PDZRN3: variants seen among roughly 807,000 people sequenced by gnomAD.
PDZRN3 encodes the protein E3 ubiquitin-protein ligase PDZRN3.
In PDZRN3, 38 loss-of-function variants were observed where a neutral mutation model predicts 85.7. That is an observed-to-expected ratio of 0.44 (90% CI 0.34 to 0.58). The LOEUF (loss-of-function observed/expected upper bound fraction) is 0.58. PDZRN3 is among the 20% of genes least tolerant of loss of function. The pLI is 0.01. For synonymous variants in PDZRN3, 759 were observed against 638.0 expected, an observed-to-expected ratio of 1.19 and a Z score of -2.86; for missense variants, 1,629 against 1,506.4, an observed-to-expected ratio of 1.08 and a Z score of -1.35.
Position 73,383,758 on chromosome 3 carries a change from C to T in PDZRN3, c.2808G>A (p.Arg936=). 1 of 1,612,886 alleles carries T rather than the reference C, an allele frequency of 6.2e-7. No individual in the cohort carries two copies. The highest frequency in any genetic ancestry group is 8.5e-7 in the Non-Finnish European group (1 of 1,179,968). ...RSDGTRYITK[R]PVRDRLLRER... Reference sequence around the variant, plus strand: ...CCCGCAGCAGGCGGTCCCGCACGGGCCTCTTGGTGATGTAGCGCGTCCCGT... The same window carrying T: ...CCCGCAGCAGGCGGTCCCGCACGGGTCTCTTGGTGATGTAGCGCGTCCCGT... The change falls in exon 10 of 10, where the codon AGG becomes AGA. Residue 936 remains arginine, a synonymous_variant. Transcript: ENST00000263666.
At position 73,402,941 on chromosome 3, in the gene PDZRN3, C is replaced by CTTTTTTTTTTT. The variant is rs140037400; in HGVS notation, c.1166+1196_1166+1206dup. On this transcript the variant is annotated intron_variant, in intron 4 of 9. Coordinates refer to ENST00000263666, the MANE Select transcript of PDZRN3 (RefSeq NM_015009.3). ...GATGTGCAAAGTCACACATGAAAAG[C>CTTTTTTTTTTT]TTTTTTTTTTTTTTTTTTTTGAGAC... 1.8e-3 allele frequency among the ~76,000 whole-genome samples: 213 copies of CTTTTTTTTTTT among 115,638 alleles called. 12 individuals are homozygous for CTTTTTTTTTTT. Among genetic ancestry groups the CTTTTTTTTTTT allele is most frequent in the African/African-American group, 7.0e-3 (186 of 26,740 alleles). The allele number at this position is 115,638 out of a possible 152,430, so 75.9% of individuals were successfully genotyped here. A position where few individuals can be genotyped will look rare whatever the true frequency, so the allele number is the denominator to read the frequency against.
At chr3:73,440,686 G>A (rs1388670438) in intron 3 of PDZRN3, among the ~76,000 whole-genome samples, 1 of 152,154 alleles carries the variant, frequency 6.6e-6, no homozygotes, top group African/African-American at 2.4e-5. Flanking sequence ...ACAACACCCA[G>A]CCTCCAAAAG....
intron 3 of PDZRN3, among the ~76,000 whole-genome samples, chr3:73,535,586 G>C (rs1227567002): frequency 2.0e-5 from 3 of 152,190 alleles, no homozygotes; most frequent in African/African-American, 7.2e-5. Flanking sequence ...CATATCCACA[G>C]AGCTGCCTTT....
rs143437687 is a variant in PDZRN3 at position 73,426,104 on chromosome 3, G to C, written c.919-21709C>G. ...TAGGAGCAGGGGGTGTCTTGTTTAGGAGGATATAGGATAATGCTGGAGCCT... is the reference window on the plus strand; with the variant it reads ...TAGGAGCAGGGGGTGTCTTGTTTAGCAGGATATAGGATAATGCTGGAGCCT... On this transcript the variant is annotated intron_variant, in intron 3 of 9. Transcript: ENST00000263666. 4.2e-4 allele frequency among the ~76,000 whole-genome samples: 64 copies of C among 152,144 alleles called. No individual in the cohort carries two copies. The East Asian group carries it at 0.011, about 25-fold the overall frequency.
intron 3 of PDZRN3, chr3:73,569,374 G>A: frequency 8.3e-7 from 1 of 1,200,468 alleles, no homozygotes; most frequent in Non-Finnish European, 1.1e-6. Flanking sequence ...TGGGAGGGAG[G>A]GGGCCACATG....
intron 5 of PDZRN3, 143 bp from the exon 6 acceptor site, chr3:73,391,259 C>A: frequency 1.7e-6 from 1 of 590,124 alleles, no homozygotes; most frequent in African/African-American, 1.8e-5. Flanking sequence ...ACTTACTAAA[C>A]AAAAAGTGAT....
At chr3:73,555,285 AT>A (rs1406756330) in intron 3 of PDZRN3, among the ~76,000 whole-genome samples, 4 of 152,160 alleles carry the variant, frequency 2.6e-5, no homozygotes, top group Non-Finnish European at 5.9e-5. Context: ...GAGGAAGAAA[AT>A]TTGAGTGTGA....
intron 3 of PDZRN3, among the ~76,000 whole-genome samples, chr3:73,479,725 C>G (rs1017619458): frequency 6.6e-6 from 1 of 152,308 alleles, no homozygotes; most frequent in East Asian, 1.9e-4. Flanking sequence ...CCCTGCCTGA[C>G]CCCAGCCCAG....
At chr3:73,576,104 A>G (rs1404044372) in intron 3 of PDZRN3, among the ~76,000 whole-genome samples, 1 of 146,390 alleles carries the variant, frequency 6.8e-6, no homozygotes, top group South Asian at 2.1e-4. Flanking sequence ...ACATGCATGC[A>G]TACTCTCTCT....
chr3:73,472,995 A>T lies in PDZRN3; in HGVS notation c.919-68600T>A, dbSNP rs188061014. On this transcript the variant is annotated intron_variant, in intron 3 of 9. Transcript: ENST00000263666. ...GATTTAATTAACGTGCAGTGAATGGACGATATCTGGGGACCTCTCAAAATT... is the reference window on the plus strand; with the variant it reads ...GATTTAATTAACGTGCAGTGAATGGTCGATATCTGGGGACCTCTCAAAATT... Among the ~76,000 whole-genome samples, 520 of 152,294 alleles carry T rather than the reference A, an allele frequency of 3.4e-3. 2 individuals carry two copies. The highest frequency in any genetic ancestry group is 6.0e-3 in the Non-Finnish European group (408 of 68,022).
At chr3:73,500,433 C>T (rs1703955175) in intron 3 of PDZRN3, among the ~76,000 whole-genome samples, 1 of 152,120 alleles carries the variant, frequency 6.6e-6, no homozygotes, top group Non-Finnish European at 1.5e-5. Flanking sequence ...CTCCCCTCTC[C>T]AACCCCATTT....
At chr3:73,501,362 A>G (rs1457027621) in intron 3 of PDZRN3, among the ~76,000 whole-genome samples, 1 of 152,062 alleles carries the variant, frequency 6.6e-6, no homozygotes, top group Non-Finnish European at 1.5e-5. Context: ...TACTTTTAAC[A>G]TGTTCCTGGA....
At chr3:73,544,219 C>G (rs1701362063) in intron 3 of PDZRN3, among the ~76,000 whole-genome samples, 1 of 152,210 alleles carries the variant, frequency 6.6e-6, no homozygotes, top group African/African-American at 2.4e-5. Flanking sequence ...AACAAAGGAA[C>G]TAGTTAAAGT....
chr3:73,475,900 A>G (rs1703439474), intron 3 of PDZRN3, among the ~76,000 whole-genome samples: 1 of 152,186 alleles, frequency 6.6e-6, no homozygotes, highest in Non-Finnish European at 1.5e-5. Context: ...CCCTTCAAAC[A>G]TGCATGGTGG....
intron 3 of PDZRN3, among the ~76,000 whole-genome samples, chr3:73,454,743 C>T (rs1702944240): frequency 6.6e-6 from 1 of 151,974 alleles, no homozygotes; most frequent in Admixed American, 6.6e-5. Flanking sequence ...TAAGGAGGTT[C>T]TCAAAAAAGC....
intron 3 of PDZRN3, among the ~76,000 whole-genome samples, chr3:73,509,025 C>T (rs915618543): frequency 6.6e-6 from 1 of 152,210 alleles, no homozygotes; most frequent in Admixed American, 6.5e-5. Flanking sequence ...ATCTGTAAGC[C>T]TCACGTGGCA....
At chr3:73,412,618 T>A (rs1701996389) in intron 3 of PDZRN3, among the ~76,000 whole-genome samples, 1 of 152,196 alleles carries the variant, frequency 6.6e-6, no homozygotes, top group Non-Finnish European at 1.5e-5. Flanking sequence ...GGGGTTCAAG[T>A]AGGCTGTAGC....
At position 73,446,653 on chromosome 3, in the gene PDZRN3, G is replaced by A. The variant is rs565917671; in HGVS notation, c.919-42258C>T. ...GTACAAGGATTCAGTTGCTGGCGGGGACAGAGAGCAACATGTCCCAGGGAA... is the reference window on the plus strand; with the variant it reads ...GTACAAGGATTCAGTTGCTGGCGGGAACAGAGAGCAACATGTCCCAGGGAA... On this transcript the variant is annotated intron_variant, in intron 3 of 9. Coordinates refer to ENST00000263666, the MANE Select transcript of PDZRN3 (RefSeq NM_015009.3). 2.0e-5 allele frequency among the ~76,000 whole-genome samples: 3 copies of A among 152,246 alleles called. No homozygotes were observed. The East Asian group carries it at 5.8e-4, about 29-fold the overall frequency.
At chr3:73,541,917 T>C (rs908590119) in intron 3 of PDZRN3, among the ~76,000 whole-genome samples, 2 of 152,194 alleles carry the variant, frequency 1.3e-5, no homozygotes, top group Non-Finnish European at 2.9e-5. Context: ...GTGCTTGAAA[T>C]AGTTTCAGCA....
Sources: gnomAD v4.1 joint callset for allele counts (sites outside exome capture counted in the v4.1 genomes callset) on GRCh38, gnomAD v4.1.1 for gene constraint, MANE v1.5 for transcripts, NCBI Gene and HGNC (gene_info 2026-07-23, HGNC 2026-07-21) for gene names.